ZNF705A: variants seen among roughly 807,000 people sequenced by gnomAD.
The protein encoded by ZNF705A is zinc finger protein 705A.
ZNF705A carries 8 observed loss-of-function variants against 16.6 expected under a neutral mutation model. That is an observed-to-expected ratio of 0.48 (90% CI 0.28 to 0.87). ZNF705A has a LOEUF of 0.87. ZNF705A is among the 40% of genes least tolerant of loss of function. ZNF705A has a pLI of 0.10. For synonymous variants in ZNF705A, 73 were observed against 117.3 expected (o/e 0.62, Z 2.44); for missense variants, 233 against 359.9 (o/e 0.65, Z 2.85).
At chr12:8,177,141 G>T in exon 5 of ZNF705A, 1 of 1,611,948 alleles carries the variant, frequency 6.2e-7, no homozygotes, top group Non-Finnish European at 8.5e-7. Context: ...AAATCTCTTC[G>T]TAATCTTTTC....
chr12:8,171,730 C>T (rs1303448698), upstream of ZNF705A, among the ~76,000 whole-genome samples: 1 of 129,998 alleles, frequency 7.7e-6, no homozygotes. Flanking sequence ...TTGATTACCC[C>T]CATCCTAAAA....
At chr12:8,165,426 G>C (rs1330091156) in intron 1 of ZNF705A, among the ~76,000 whole-genome samples, 1 of 143,670 alleles carries the variant, frequency 7.0e-6, no homozygotes, top group East Asian at 2.1e-4. Context: ...GGGACTACAG[G>C]CACCTGCCAC....
rs1186941618 is a variant in ZNF705A at position 8,177,062 on chromosome 12, A to G, written c.382A>G (p.Ser128Gly). The stretch of plus-strand genomic sequence containing the variant: ...TGATTCGGGAGAAGATTGCACTCAC[A>G]GTTCCACAATAACTCAGCGTTTGTT... Residue 128 changes from serine (S) to glycine (G), a missense_variant, in exon 5 of 5, where the codon AGT (serine) becomes GGT (glycine). By Grantham distance (56) the Ser-to-Gly change is moderately conservative. This residue lies in a region of ZNF705A where 220 missense variants were observed against 271.4 expected (regional missense o/e 0.81). Transcript: ENST00000359286. The G allele has an allele frequency of 3.1e-6, 5 of 1,610,670 alleles. No individual in the cohort carries two copies. In the Admixed American group the frequency reaches 6.7e-5, roughly 21 times the overall value.
intron 1 of ZNF705A, 55 bp downstream of exon 2, chr12:8,172,692 G>T: frequency 6.3e-7 from 1 of 1,589,886 alleles, no homozygotes; most frequent in Admixed American, 1.7e-5. Flanking sequence ...CTGGCAAGTG[G>T]GCATTTTTCT....
intron 1 of ZNF705A, among the ~76,000 whole-genome samples, chr12:8,161,542 A>G: frequency 6.6e-6 from 1 of 152,006 alleles, no homozygotes; most frequent in East Asian, 1.9e-4. Context: ...GTATTTTTCT[A>G]GGAAGTTATC....
At chr12:8,160,676 T>C (rs981374321) in intron 1 of ZNF705A, among the ~76,000 whole-genome samples, 1 of 152,094 alleles carries the variant, frequency 6.6e-6, no homozygotes, top group Non-Finnish European at 1.5e-5. Context: ...ACCTTAATCT[T>C]ATATCTAGAA....
At chr12:8,174,616 ATCTT>A (rs1250369062) in intron 2 of ZNF705A, among the ~76,000 whole-genome samples, 164 bp downstream of exon 3, 2 of 152,240 alleles carry the variant, frequency 1.3e-5, no homozygotes, top group African/African-American at 2.4e-5. Flanking sequence ...TGAAATAAAT[ATCTT>A]TCTTTTTATT....
At chr12:8,175,779 A>G in intron 3 of ZNF705A, 81 bp from the exon 5 acceptor site, 4 of 1,601,726 alleles carry the variant, frequency 2.5e-6, no homozygotes, top group Admixed American at 3.4e-5. Flanking sequence ...CTTTTGAAAA[A>G]AAGTAAATGG....
At chr12:8,168,675 A>G (rs989885116), upstream of ZNF705A, among the ~76,000 whole-genome samples, 5 of 152,260 alleles carry the variant, frequency 3.3e-5, no homozygotes, top group Admixed American at 6.5e-5. Flanking sequence ...AAATTCTGTA[A>G]CTACATATGT....
chr12:8,176,066 A>G, intron 4 of ZNF705A, 124 bp downstream of exon 5: 2 of 1,457,284 alleles, frequency 1.4e-6, no homozygotes, highest in Non-Finnish European at 9.4e-7. Context: ...TAAGCAAAAA[A>G]AAATTGAATA....
intron 1 of ZNF705A, among the ~76,000 whole-genome samples, chr12:8,158,926 G>A (rs374009704): frequency 9.8e-4 from 149 of 152,168 alleles, no homozygotes; most frequent in African/African-American, 2.4e-3. Flanking sequence ...CCCGAGCAGT[G>A]TACACTGCAA....
intron 1 of ZNF705A, among the ~76,000 whole-genome samples, chr12:8,164,576 A>G (rs1021938869): frequency 5.9e-5 from 9 of 152,130 alleles, no homozygotes; most frequent in Non-Finnish European, 1.0e-4. Context: ...GTAAGTTAGA[A>G]TGTGCAGTGT....
upstream of ZNF705A, among the ~76,000 whole-genome samples, chr12:8,168,497 G>A (rs1392203876): frequency 6.6e-6 from 1 of 151,958 alleles, no homozygotes; most frequent in Non-Finnish European, 1.5e-5. Context: ...TTCCATTTTT[G>A]TTTTGACCAT....
At chr12:8,166,903 T>C (rs12317159) in intron 1 of ZNF705A, among the ~76,000 whole-genome samples, 3,076 of 152,366 alleles carry the variant, frequency 0.02, 113 homozygotes, top group African/African-American at 0.071. Context: ...CCAAGGTCTC[T>C]GAAATGTCTT....
intron 1 of ZNF705A, among the ~76,000 whole-genome samples, chr12:8,161,433 T>G (rs780410740): frequency 3.3e-5 from 5 of 152,212 alleles, no homozygotes; most frequent in Admixed American, 1.3e-4. Flanking sequence ...CATCTGGACT[T>G]TTTTTTGTTG....
exon 5 of ZNF705A, chr12:8,179,835 A>G (rs904842264): frequency 6.6e-6 from 1 of 152,244 alleles, no homozygotes; most frequent in African/African-American, 2.4e-5. Context: ...CCTGAGCCAC[A>G]TTGAGATGTA....
intron 1 of ZNF705A, among the ~76,000 whole-genome samples, chr12:8,163,589 G>A: frequency 6.6e-6 from 1 of 152,164 alleles, no homozygotes; most frequent in Non-Finnish European, 1.5e-5. Flanking sequence ...TACTCATAAA[G>A]GAGCATATGT....
chr12:8,158,049 G>T (rs1181877162), intron 1 of ZNF705A, among the ~76,000 whole-genome samples: 1 of 152,116 alleles, frequency 6.6e-6, no homozygotes, highest in African/African-American at 2.4e-5. Context: ...ATGGATTATA[G>T]TGTCCAGTGT....
chr12:8,179,999 A>G (rs1358317419), exon 5 of ZNF705A: 2 of 152,196 alleles, frequency 1.3e-5, no homozygotes, highest in Non-Finnish European at 2.9e-5. Flanking sequence ...TGATTTTTGA[A>G]TTTGCTTCTT....
Sources: gnomAD v4.1 joint callset for allele counts (sites outside exome capture counted in the v4.1 genomes callset) on GRCh38, gnomAD v4.1.1 for gene constraint, gnomAD v4.1.1 regional missense constraint, MANE v1.5 for transcripts, NCBI Gene and HGNC (gene_info 2026-07-23, HGNC 2026-07-21) for gene names.